EYS: variants seen among roughly 807,000 people sequenced by gnomAD.
EYS encodes protein eyes shut homolog.
EYS carries 250 observed loss-of-function variants against 282.1 expected under a neutral mutation model. The ratio of observed to expected loss-of-function variants is 0.89; its 90% CI spans 0.80 to 0.98. The LOEUF is 0.98. Ranked by LOEUF, EYS falls within the 50% of genes least tolerant of loss-of-function variation. EYS has a pLI of 0.00. For missense variants in EYS, 4,016 were observed against 3,709.0 expected (o/e 1.08, Z -2.15); for synonymous variants, 1,355 against 1,282.9 (o/e 1.06, Z -1.20).
At chr6:65,182,627 C>T (rs1162162972) in intron 12 of EYS, among the ~76,000 whole-genome samples, 2 of 151,814 alleles carry the variant, frequency 1.3e-5, no homozygotes, top group African/African-American at 4.8e-5. Flanking sequence ...TGCTAATCCT[C>T]ACAAATCTAT....
intron 33 of EYS, among the ~76,000 whole-genome samples, chr6:64,055,179 G>A (rs978278846): frequency 6.6e-6 from 1 of 152,120 alleles, no homozygotes; most frequent in East Asian, 1.9e-4. Context: ...TGCCCCAGAG[G>A]ATAGTGGATT....
At chr6:65,009,691 C>A (rs1379796527) in intron 13 of EYS, among the ~76,000 whole-genome samples, 1 of 152,162 alleles carries the variant, frequency 6.6e-6, no homozygotes. Context: ...CTTTTAGCTG[C>A]CCTTTCAGAA....
chr6:65,224,504 C>T (rs776371941), intron 12 of EYS, among the ~76,000 whole-genome samples: 25 of 151,806 alleles, frequency 1.6e-4, no homozygotes, highest in Non-Finnish European at 2.8e-4. Context: ...CTTAAGGAAT[C>T]AGAAAAATAG....
intron 26 of EYS, among the ~76,000 whole-genome samples, chr6:64,549,932 T>C (rs1037031268): frequency 6.6e-6 from 1 of 151,992 alleles, no homozygotes; most frequent in African/African-American, 2.4e-5. Context: ...TTCCCCTTCC[T>C]GTGTCCATGT....
intron 2 of EYS, among the ~76,000 whole-genome samples, chr6:65,543,805 A>G (rs1035199966): frequency 6.6e-6 from 1 of 152,162 alleles, no homozygotes; most frequent in Non-Finnish European, 1.5e-5. Flanking sequence ...ATAACAGATG[A>G]CTTTGAGTGG....
intron 36 of EYS, among the ~76,000 whole-genome samples, chr6:63,845,566 G>A (rs72888273): frequency 0.067 from 10,156 of 152,188 alleles, 465 homozygotes; most frequent in East Asian, 0.17. Context: ...CTAGATATAA[G>A]GCTGTGAGTA....
chr6:65,687,027 C>T (rs2149841569), intron 1 of EYS, among the ~76,000 whole-genome samples: 1 of 151,884 alleles, frequency 6.6e-6, no homozygotes, highest in Non-Finnish European at 1.5e-5. Context: ...AAATAAAAGG[C>T]ATAATATATT....
intron 11 of EYS, chr6:65,330,456 A>C: frequency 2.0e-6 from 2 of 984,306 alleles, no homozygotes; most frequent in Non-Finnish European, 1.2e-6. Flanking sequence ...CTTAAGTAAC[A>C]ATATGGCTGG....
chr6:64,088,131 T>C (rs1772222162), intron 31 of EYS, among the ~76,000 whole-genome samples: 1 of 152,054 alleles, frequency 6.6e-6, no homozygotes, highest in African/African-American at 2.4e-5. Flanking sequence ...CCGTGTTTAG[T>C]GGATATGTTG....
intron 1 of EYS, among the ~76,000 whole-genome samples, chr6:65,683,416 T>C (rs1465761774): frequency 6.6e-6 from 1 of 151,510 alleles, no homozygotes; most frequent in Non-Finnish European, 1.5e-5. Flanking sequence ...CTTTCCCCTA[T>C]TGCAATAGTC....
intron 26 of EYS, among the ~76,000 whole-genome samples, chr6:64,482,948 C>T (rs1420421309): frequency 2.0e-5 from 3 of 151,608 alleles, no homozygotes; most frequent in African/African-American, 7.3e-5. Flanking sequence ...CCACTGACCT[C>T]CTTTATTAAA....
intron 34 of EYS, among the ~76,000 whole-genome samples, chr6:63,995,728 T>C (rs971969825): frequency 2.6e-5 from 4 of 152,008 alleles, no homozygotes; most frequent in Admixed American, 6.6e-5. Flanking sequence ...ATCTCACTTA[T>C]ATGTAGAATC....
intron 26 of EYS, among the ~76,000 whole-genome samples, chr6:64,512,717 G>C (rs1035564662): frequency 6.6e-6 from 1 of 151,910 alleles, no homozygotes; most frequent in Admixed American, 6.6e-5. Flanking sequence ...AGAAAACAAA[G>C]CACAGGTGAT....
intron 26 of EYS, among the ~76,000 whole-genome samples, chr6:64,457,426 T>C (rs1326536024): frequency 1.3e-5 from 2 of 152,052 alleles, no homozygotes. Context: ...TCTGATTTTA[T>C]GTTTGGATAA....
chr6:64,931,643 G>T (rs1410752614), intron 15 of EYS, among the ~76,000 whole-genome samples: 6 of 151,942 alleles, frequency 3.9e-5, no homozygotes, highest in African/African-American at 1.4e-4. Context: ...CAAGATCAAT[G>T]TTTTAAATAA....
intron 22 of EYS, among the ~76,000 whole-genome samples, chr6:64,789,047 T>A (rs1385588722): frequency 6.6e-6 from 1 of 152,094 alleles, no homozygotes; most frequent in Admixed American, 6.5e-5. Flanking sequence ...CTGGAATATA[T>A]CTCCAGTCAG....
At chr6:65,354,022 T>C (rs1248830170) in intron 8 of EYS, among the ~76,000 whole-genome samples, 1 of 152,170 alleles carries the variant, frequency 6.6e-6, no homozygotes, top group African/African-American at 2.4e-5. Flanking sequence ...ACTTTTGCTA[T>C]CATTTGAAAA....
intron 22 of EYS, among the ~76,000 whole-genome samples, chr6:64,735,274 G>A (rs527768462): frequency 1.3e-5 from 2 of 152,110 alleles, no homozygotes; most frequent in South Asian, 4.1e-4. Context: ...TAGTAGAGAC[G>A]GGGTTTCACC....
chr6:64,087,968 TC>T (rs1322527198), intron 31 of EYS, among the ~76,000 whole-genome samples: 1 of 152,086 alleles, frequency 6.6e-6, no homozygotes, highest in East Asian at 1.9e-4. Flanking sequence ...ATTATATAAT[TC>T]AGGTGCACCT....
Sources: allele counts gnomAD v4.1 joint callset (sites outside exome capture counted in the v4.1 genomes callset), GRCh38; gene constraint gnomAD v4.1.1; transcripts MANE v1.5; gene names NCBI Gene and HGNC (gene_info 2026-07-23, HGNC 2026-07-21).